The following EZH2 variants were observed in gnomAD, a reference collection of about 807,000 sequenced individuals.
EZH2 encodes histone-lysine N-methyltransferase EZH2.
EZH2 carries 18 observed loss-of-function variants against 98.4 expected under a neutral mutation model. That is an observed-to-expected ratio of 0.18 (90% CI 0.13 to 0.27). The LOEUF (loss-of-function observed/expected upper bound fraction) is 0.27, where lower values mean the gene tolerates loss of function less well. EZH2 is among the 10% of genes least tolerant of loss of function. The pLI, the probability that EZH2 is intolerant of heterozygous loss-of-function variation, is 1.00. For missense variants in EZH2, 470 were observed against 935.1 expected (o/e 0.50, Z 6.49); for synonymous variants, 338 against 312.3 (o/e 1.08, Z -0.87).
intron 16 of EZH2, 88 bp downstream of exon 16, chr7:148,811,537 C>T (rs1803091548): frequency 9.5e-7 from 1 of 1,048,998 alleles, no homozygotes; most frequent in Non-Finnish European, 1.4e-6. Context: ...TCCAATCAAA[C>T]CCACAGACTT....
chr7:148,865,807 A>T (rs1996995), intron 1 of EZH2, among the ~76,000 whole-genome samples: 387 of 152,346 alleles, frequency 2.5e-3, no homozygotes, highest in Middle Eastern at 6.8e-3. Flanking sequence ...TAGGTGGTTC[A>T]AACTACTAAT....
chr7:148,862,115 C>A (rs1355852725), intron 1 of EZH2, among the ~76,000 whole-genome samples: 1 of 152,138 alleles, frequency 6.6e-6, no homozygotes, highest in Non-Finnish European at 1.5e-5. Flanking sequence ...CTCAAAATAA[C>A]CACCATACTT....
chr7:148,861,458 C>T lies in EZH2; in HGVS notation c.-7-14153G>A, dbSNP rs142328154. On this transcript the variant is annotated intron_variant, in intron 1 of 19. Coordinates refer to ENST00000320356, the MANE Select transcript of EZH2 (RefSeq NM_004456.5). Reference sequence around the variant, plus strand: ...GCCAGGCTGGTCTCGAACTCCTGACCTCAGGTGATCCACCCGGATTGGCCT... The same window carrying T: ...GCCAGGCTGGTCTCGAACTCCTGACTTCAGGTGATCCACCCGGATTGGCCT... 3.8e-3 allele frequency among the ~76,000 whole-genome samples: 584 copies of T among 152,124 alleles called. 2 individuals carry two copies. Among genetic ancestry groups the T allele is most frequent in the African/African-American group, 0.013 (547 of 41,496 alleles).
chr7:148,831,858 C>A (rs1585042815), intron 4 of EZH2, among the ~76,000 whole-genome samples: 1 of 152,146 alleles, frequency 6.6e-6, no homozygotes, highest in East Asian at 1.9e-4. Flanking sequence ...AGAACACATG[C>A]TTCAGTTTCT....
intron 1 of EZH2, among the ~76,000 whole-genome samples, chr7:148,855,609 G>C (rs1020383123): frequency 6.6e-6 from 1 of 152,078 alleles, no homozygotes; most frequent in Non-Finnish European, 1.5e-5. Flanking sequence ...TAAAAAAGTA[G>C]TGGCTATCAG....
intron 1 of EZH2, among the ~76,000 whole-genome samples, chr7:148,878,962 C>T (rs192257920): frequency 2.6e-5 from 4 of 152,112 alleles, no homozygotes; most frequent in South Asian, 4.2e-4. Flanking sequence ...CAGTAGCTCA[C>T]GCCTGTAATC....
intron 8 of EZH2, among the ~76,000 whole-genome samples, chr7:148,825,190 T>C (rs1347737072): frequency 6.6e-6 from 1 of 152,212 alleles, no homozygotes; most frequent in East Asian, 1.9e-4. Flanking sequence ...ATAGTCTTAA[T>C]AAAAACTCGA....
chr7:148,826,449 C>A lies in EZH2; in HGVS notation c.907+5G>T. 1 of 1,549,452 alleles carries A rather than the reference C, an allele frequency of 6.5e-7. No individual in the cohort carries two copies. The highest frequency in any genetic ancestry group is 8.7e-7 in the Non-Finnish European group (1 of 1,143,692). On this transcript the variant is annotated splice_donor_5th_base_variant and intron_variant, in intron 8 of 19. Coordinates refer to ENST00000320356, the MANE Select transcript of EZH2 (RefSeq NM_004456.5). ...CCACAACAAAGATAGAAAATGAAAA[C>A]GTACAATAATTGCACTTACGATGTA... is the stretch of plus-strand genomic sequence containing the variant.
chr7:148,812,383 ACATATGC>A (rs1389436666), intron 15 of EZH2, among the ~76,000 whole-genome samples: 1 of 152,210 alleles, frequency 6.6e-6, no homozygotes, highest in Non-Finnish European at 1.5e-5. Context: ...GTGTTCCCCA[ACATATGC>A]CAATTTTTCA....
rs531662485 is a variant in EZH2 at position 148,860,364 on chromosome 7, T to G, written c.-7-13059A>C. Among the ~76,000 whole-genome samples, 43 of 151,940 alleles carry G rather than the reference T, an allele frequency of 2.8e-4. No homozygotes were observed. The East Asian group carries it at 8.1e-3, about 29-fold the overall frequency. On this transcript the variant is annotated intron_variant, in intron 1 of 19. Coordinates refer to ENST00000320356, the MANE Select transcript of EZH2 (RefSeq NM_004456.5). ...AAAAAAAGATTTTTAATTTTAGAAT[T>G]AAAAACTAAGTCTAAAATTAAAAAT...
intron 16 of EZH2, among the ~76,000 whole-genome samples, chr7:148,811,172 C>G (rs954523989): frequency 2.0e-5 from 3 of 152,166 alleles, no homozygotes; most frequent in African/African-American, 7.2e-5. Flanking sequence ...GACAGGGTCT[C>G]ACTTTGTCGC....
At chr7:148,849,083 T>TG (rs1814988494) in intron 1 of EZH2, among the ~76,000 whole-genome samples, 1 of 152,200 alleles carries the variant, frequency 6.6e-6, no homozygotes, top group Non-Finnish European at 1.5e-5. Flanking sequence ...AGTACAGACA[T>TG]GTTCAGTACA....
At chr7:148,872,445 CTG>C (rs1176741555) in intron 1 of EZH2, among the ~76,000 whole-genome samples, 2 of 152,098 alleles carry the variant, frequency 1.3e-5, no homozygotes, top group East Asian at 3.9e-4. Context: ...CACTACTGAA[CTG>C]TACATTTTTA....
chr7:148,830,440 T>A (rs1034654635), intron 4 of EZH2, among the ~76,000 whole-genome samples: 23 of 151,884 alleles, frequency 1.5e-4, no homozygotes, highest in African/African-American at 5.6e-4. Flanking sequence ...ACTCCCAAAC[T>A]CCACTTGATG....
rs1401765512 is a variant in EZH2, at chr7:148,878,818, G to C, written c.-8+5346C>G. Among the ~76,000 whole-genome samples the C allele has an allele frequency of 2.6e-5, 4 of 152,112 alleles. No homozygotes were observed. In the South Asian group the frequency reaches 6.2e-4, roughly 24 times the overall value. On this transcript the variant is annotated intron_variant, in intron 1 of 19. Transcript: ENST00000320356. ...GGAGGCTGAGATGGAAGGATCGCTT[G>C]AGCCCAGGAGGCAGAGGTTGCAGTG...
intron 3 of EZH2, among the ~76,000 whole-genome samples, chr7:148,843,157 G>A (rs1205036029): frequency 2.7e-5 from 4 of 147,294 alleles, no homozygotes; most frequent in Admixed American, 6.9e-5. Context: ...GCAGTGAGCC[G>A]AGACTGCACC....
chr7:148,869,180 C>CAT (rs1227258586), intron 1 of EZH2, among the ~76,000 whole-genome samples: 1 of 142,824 alleles, frequency 7.0e-6, no homozygotes, highest in Non-Finnish European at 1.5e-5. Flanking sequence ...GGGAAAGATG[C>CAT]ATATAACCAC....
rs116768205 is a variant in EZH2 at position 148,807,726 on chromosome 7, A to G, written c.2196-20T>C. 2,809 of 1,561,290 alleles carry G rather than the reference A, an allele frequency of 1.8e-3. 43 individuals are homozygous for G. The African/African-American group carries it at 0.034, about 19-fold the overall frequency. ...CTGTATCTGAAACAACAGGAAGGAG[A>G]TGTCCGCTGGATGGCCACCCATCCA... On this transcript the variant is annotated intron_variant, in intron 19 of 19. Transcript: ENST00000320356.
intron 18 of EZH2, 76 bp from the exon 19 acceptor site, chr7:148,809,231 A>G: frequency 1.3e-6 from 2 of 1,588,082 alleles, no homozygotes; most frequent in Admixed American, 1.7e-5. Flanking sequence ...CACATAACAA[A>G]CAACTATCCC....
Sources: gnomAD v4.1 joint callset for allele counts (sites outside exome capture counted in the v4.1 genomes callset) on GRCh38, gnomAD v4.1.1 for gene constraint, MANE v1.5 for transcripts, NCBI Gene and HGNC (gene_info 2026-07-23, HGNC 2026-07-21) for gene names.